Variants in RASAL2 observed in about 807,000 individuals in gnomAD.
The protein encoded by RASAL2 is ras GTPase-activating protein nGAP.
RASAL2 carries 58 observed loss-of-function variants against 128.9 expected under a neutral mutation model. The ratio of observed to expected loss-of-function variants is 0.45; its 90% CI spans 0.36 to 0.56. The LOEUF (loss-of-function observed/expected upper bound fraction) is 0.56. RASAL2 is among the 20% of genes least tolerant of loss of function. The probability of loss-of-function intolerance (pLI) is 0.00; values close to 1 mark genes in which losing one functional copy is unlikely to be tolerated. For synonymous variants in RASAL2, 561 were observed against 580.8 expected, an observed-to-expected ratio of 0.97 and a Z score of 0.49; for missense variants, 1,360 against 1,601.6, an observed-to-expected ratio of 0.85 and a Z score of 2.57.
At chr1:178,439,870 T>C (rs942203291) in intron 6 of RASAL2, among the ~76,000 whole-genome samples, 2 of 152,116 alleles carry the variant, frequency 1.3e-5, no homozygotes, top group Non-Finnish European at 2.9e-5. Flanking sequence ...TACATTACTA[T>C]GTTAATTTTT....
At chr1:178,181,874 G>T (rs547740923) in intron 1 of RASAL2, among the ~76,000 whole-genome samples, 238 of 152,136 alleles carry the variant, frequency 1.6e-3, no homozygotes, top group Non-Finnish European at 2.4e-3. Context: ...CATGTCAAGG[G>T]TACACACTAT....
At chr1:178,454,251 G>A (rs1252290622) in intron 11 of RASAL2, among the ~76,000 whole-genome samples, 196 bp from the exon 12 acceptor site, 4 of 146,612 alleles carry the variant, frequency 2.7e-5, no homozygotes, top group Non-Finnish European at 6.0e-5. Flanking sequence ...AGAATAGAAA[G>A]CTATTCTCAA....
intron 7 of RASAL2, 89 bp downstream of exon 7, chr1:178,441,736 G>T (rs977408813): frequency 5.2e-6 from 5 of 966,834 alleles, no homozygotes; most frequent in Non-Finnish European, 8.0e-6. Context: ...ACCTTAATTT[G>T]TCTATAGCTT....
In RASAL2 at chr1:178,457,924, C is replaced by T; in HGVS notation, c.2632C>T (p.Gln878Ter). 1 of 1,614,124 alleles carries T rather than the reference C, an allele frequency of 6.2e-7. No homozygotes were observed. The highest frequency in any genetic ancestry group is 1.1e-5 in the South Asian group (1 of 91,084). Residue 878 changes from glutamine to a stop codon, truncating the protein, a stop_gained, in exon 14 of 18, where the codon CAG (glutamine) becomes TAG (stop). Transcript: ENST00000367649. LOFTEE classifies it high-confidence loss of function. The stretch of plus-strand genomic sequence containing the variant: ...TGTGCCTATACGCTTGACCGGAAGC[C>T]AGCTTTCCATAACCCAGGTGGCCAG... ...LDVPIRLTGS[Q>*]LSITQVASIK...
intron 1 of RASAL2, among the ~76,000 whole-genome samples, chr1:178,134,058 T>G (rs1231245678): frequency 6.6e-6 from 1 of 152,220 alleles, no homozygotes; most frequent in Non-Finnish European, 1.5e-5. Flanking sequence ...CTTAGCAGCT[T>G]AAAACAATGA....
chr1:178,309,708 G>A (rs1426292283), intron 3 of RASAL2, among the ~76,000 whole-genome samples: 3 of 151,936 alleles, frequency 2.0e-5, no homozygotes, highest in African/African-American at 4.8e-5. Flanking sequence ...AGTGGTTAGG[G>A]GCACTACTCT....
chr1:178,159,601 TTTTTGTTTTTGC>T lies in RASAL2; in HGVS notation c.202+64912_202+64923del, dbSNP rs748417655. On this transcript the variant is annotated intron_variant, in intron 1 of 17. Coordinates refer to ENST00000367649, the MANE Select transcript of RASAL2 (RefSeq NM_170692.4). Reference sequence around the variant, plus strand: ...CTATTATTGAAAAACAAGAAACTTGTTTTTGTTTTTGCTTTTCTGCATATATTCCATAAAATG... The same window carrying T: ...CTATTATTGAAAAACAAGAAACTTGTTTTTCTGCATATATTCCATAAAATG... Among the ~76,000 whole-genome samples the T allele has an allele frequency of 3.9e-5, 6 of 152,252 alleles. No homozygotes were observed. The South Asian group carries it at 6.2e-4, about 16-fold the overall frequency.
intron 1 of RASAL2, among the ~76,000 whole-genome samples, chr1:178,246,897 T>C (rs1664791309): frequency 6.6e-6 from 1 of 152,220 alleles, no homozygotes; most frequent in South Asian, 2.1e-4. Flanking sequence ...TGAACCAGCC[T>C]CTCATCACAG....
intron 1 of RASAL2, among the ~76,000 whole-genome samples, chr1:178,173,914 T>TTAA (rs1553256262): frequency 6.6e-6 from 1 of 150,390 alleles, no homozygotes; most frequent in Non-Finnish European, 1.5e-5. Context: ...TTTTTTTTTT[T>TTAA]AAAAAAGTTC....
chr1:178,354,114 G>C (rs778195088), intron 3 of RASAL2, among the ~76,000 whole-genome samples: 1 of 152,060 alleles, frequency 6.6e-6, no homozygotes, highest in Non-Finnish European at 1.5e-5. Context: ...CATTATTATA[G>C]TTCCAGAAAT....
intron 1 of RASAL2, among the ~76,000 whole-genome samples, chr1:178,107,909 C>T (rs1558056741): frequency 6.6e-6 from 1 of 152,114 alleles, no homozygotes; most frequent in Non-Finnish European, 1.5e-5. Context: ...AATAATGCTG[C>T]TATGAGCTTT....
chr1:178,384,675 AACAC>A (rs1051898433), intron 3 of RASAL2, among the ~76,000 whole-genome samples: 3 of 149,664 alleles, frequency 2.0e-5, no homozygotes, highest in East Asian at 1.9e-4. Context: ...AAAAAAAAAA[AACAC>A]ACACACACAC....
chr1:178,383,483 T>A (rs1003441763), intron 3 of RASAL2, among the ~76,000 whole-genome samples: 2 of 152,236 alleles, frequency 1.3e-5, no homozygotes, highest in African/African-American at 4.8e-5. Context: ...TTCTCTTTGC[T>A]CTTGTCACTT....
chr1:178,142,294 T>A (rs1264664539), intron 1 of RASAL2, among the ~76,000 whole-genome samples: 1 of 152,110 alleles, frequency 6.6e-6, no homozygotes, highest in East Asian at 1.9e-4. Flanking sequence ...CTTCCCAGGA[T>A]GTGTCTAGGG....
At position 178,264,005 on chromosome 1, in the gene RASAL2, T is replaced by C. The variant is rs1665824235; in HGVS notation, c.203-19559T>C. Among the ~76,000 whole-genome samples, 5 of 152,232 alleles carry C rather than the reference T, an allele frequency of 3.3e-5. No individual in the cohort carries two copies. The South Asian group carries it at 1.0e-3, about 32-fold the overall frequency. ...TTCTGGTATATTTAGGTACTCTTAC[T>C]TTTCTTATGGGAGAAATAAAAATTT... is the stretch of plus-strand genomic sequence containing the variant. On this transcript the variant is annotated intron_variant, in intron 1 of 17. Transcript: ENST00000367649.
chr1:178,394,599 G>A (rs1413806177), intron 4 of RASAL2, among the ~76,000 whole-genome samples: 1 of 152,176 alleles, frequency 6.6e-6, no homozygotes, highest in Non-Finnish European at 1.5e-5. Context: ...GCTAGGCTTA[G>A]TGTTCTGATT....
chr1:178,150,231 G>A (rs1660866130), intron 1 of RASAL2, among the ~76,000 whole-genome samples: 2 of 151,970 alleles, frequency 1.3e-5, no homozygotes, highest in Admixed American at 6.6e-5. Context: ...GTCTCACTTT[G>A]TCATCCAGGC....
At chr1:178,132,792 G>A (rs138459028) in intron 1 of RASAL2, among the ~76,000 whole-genome samples, 82 of 142,256 alleles carry the variant, frequency 5.8e-4, no homozygotes, top group African/African-American at 1.9e-3. Context: ...TTTTTGAGAC[G>A]GAGTCTTGCT....
At position 178,176,433 on chromosome 1, in the gene RASAL2, G is replaced by A. The variant is rs1300717758; in HGVS notation, c.202+81739G>A. 1.3e-5 allele frequency among the ~76,000 whole-genome samples: 2 copies of A among 149,480 alleles called. 1 individual carries two copies. The highest frequency in any genetic ancestry group is 3.9e-4 in the East Asian group (2 of 5,146). On this transcript the variant is annotated intron_variant, in intron 1 of 17. Transcript: ENST00000367649. The stretch of plus-strand genomic sequence containing the variant: ...TTTTTTTTCCTTGCTGATTCAAGTT[G>A]TTTGTAGATACTGGATATTAGTTGT...
Sources: gnomAD v4.1 joint callset for allele counts (sites outside exome capture counted in the v4.1 genomes callset) on GRCh38, gnomAD v4.1.1 for gene constraint, MANE v1.5 for transcripts, NCBI Gene and HGNC (gene_info 2026-07-23, HGNC 2026-07-21) for gene names.